TRIQK: variants seen among roughly 807,000 people sequenced by gnomAD.
The protein encoded by TRIQK is triple QxxK/R motif containing.
Under a neutral mutation model 10.8 loss-of-function variants are expected in TRIQK, and 10 were observed. The observed-to-expected ratio is 0.92, with a 90% CI of 0.57 to 1.57. The LOEUF (loss-of-function observed/expected upper bound fraction) is 1.57. Ranked by LOEUF, TRIQK falls within the 40% of genes most tolerant of loss-of-function variation. The pLI is 0.00. For missense variants in TRIQK, 107 were observed against 97.7 expected (o/e 1.09, Z -0.40); for synonymous variants, 33 against 33.7 (o/e 0.98, Z 0.07).
intron 3 of TRIQK, among the ~76,000 whole-genome samples, chr8:92,915,550 C>A (rs1189744488): frequency 1.3e-5 from 2 of 151,308 alleles, no homozygotes; most frequent in Non-Finnish European, 2.9e-5. Context: ...GTAACATGAT[C>A]TCTGCTCACT....
intron 2 of TRIQK, among the ~76,000 whole-genome samples, chr8:92,935,803 A>T (rs1810959175): frequency 6.6e-6 from 1 of 151,616 alleles, no homozygotes; most frequent in Admixed American, 6.6e-5. Context: ...AGATTCTATT[A>T]AAAATGCCAT....
At position 92,884,961 on chromosome 8, in the gene TRIQK, G is replaced by T. The variant is rs1816395081; in HGVS notation, c.*1661C>A. ...TCCCTTGCCACCCACTTGACGAACA[G>T]ACATACCACATGGCATTAAATGCTG... On this transcript the variant is annotated 3_prime_UTR_variant, in exon 5 of 5. Transcript: ENST00000521988. The T allele has an allele frequency of 2.2e-6, 1 of 455,996 alleles. No individual in the cohort carries two copies. The highest frequency in any genetic ancestry group is 2.0e-5 in the African/African-American group (1 of 49,962). The allele number at this position is 455,996 out of a possible 1,614,324, so 28.2% of individuals were successfully genotyped here.
intron 3 of TRIQK, among the ~76,000 whole-genome samples, chr8:92,907,866 TGA>T (rs989655324): frequency 9.3e-4 from 141 of 152,202 alleles, no homozygotes; most frequent in Admixed American, 3.0e-3. Context: ...ATATTAATAT[TGA>T]GAGATATAAA....
At chr8:92,891,862 GTCTGGCATTCTATTT>G in intron 4 of TRIQK, 112 bp downstream of exon 4, 1 of 667,978 alleles carries the variant, frequency 1.5e-6, no homozygotes. Context: ...AAACCTTTAA[GTCTGGCATTCTATTT>G]AGATTGTGAA....
intron 3 of TRIQK, among the ~76,000 whole-genome samples, chr8:92,912,209 G>C (rs1229938135): frequency 1.3e-5 from 2 of 151,598 alleles, no homozygotes; most frequent in Non-Finnish European, 3.0e-5. Flanking sequence ...TAAGAAGACT[G>C]AAATTACTCC....
intron 2 of TRIQK, among the ~76,000 whole-genome samples, chr8:92,937,409 G>A (rs775065441): frequency 4.6e-5 from 7 of 151,780 alleles, no homozygotes; most frequent in Non-Finnish European, 8.9e-5. Flanking sequence ...TATTTAATCA[G>A]ATTTCTTGAC....
At chr8:93,016,044 C>T (rs560486109) in intron 1 of TRIQK, among the ~76,000 whole-genome samples, 4 of 152,150 alleles carry the variant, frequency 2.6e-5, no homozygotes, top group African/African-American at 7.2e-5. Context: ...TAAAAACATC[C>T]TAATTCTTTA....
At chr8:92,900,143 A>C (rs902678855) in intron 3 of TRIQK, among the ~76,000 whole-genome samples, 1 of 151,986 alleles carries the variant, frequency 6.6e-6, no homozygotes, top group Non-Finnish European at 1.5e-5. Context: ...CATGTATTCC[A>C]GTTATTAATC....
intron 1 of TRIQK, among the ~76,000 whole-genome samples, chr8:92,976,260 C>T (rs544643738): frequency 6.6e-6 from 1 of 152,006 alleles, no homozygotes; most frequent in East Asian, 1.9e-4. Context: ...TTTAACTCTC[C>T]TACTATAATT....
intron 1 of TRIQK, among the ~76,000 whole-genome samples, chr8:92,979,997 T>G (rs1430946229): frequency 6.6e-6 from 1 of 152,042 alleles, no homozygotes; most frequent in Non-Finnish European, 1.5e-5. Context: ...TGTTGAAGAA[T>G]AGCAACAATA....
At position 92,885,615 on chromosome 8, in the gene TRIQK, A is replaced by T. The variant is rs1816437518; in HGVS notation, c.*1007T>A. 6.6e-6 allele frequency: 1 copy of T among 151,824 alleles called. No homozygotes were observed. Among genetic ancestry groups the T allele is most frequent in the Admixed American group, 6.6e-5 (1 of 15,194 alleles). 9.4% of individuals were successfully genotyped at this position (151,824 alleles called of 1,614,324 possible). On this transcript the variant is annotated 3_prime_UTR_variant, in exon 5 of 5. Coordinates refer to ENST00000521988, the MANE Select transcript of TRIQK (RefSeq NM_001171797.2). Reference sequence around the variant, plus strand: ...ACAAAATACATTGAAAAATTATATCAACAGATAATTACATATGAAATATGA... The same window carrying T: ...ACAAAATACATTGAAAAATTATATCTACAGATAATTACATATGAAATATGA...
At chr8:92,938,091 T>C (rs986423292) in intron 2 of TRIQK, among the ~76,000 whole-genome samples, 1 of 152,016 alleles carries the variant, frequency 6.6e-6, no homozygotes, top group Non-Finnish European at 1.5e-5. Context: ...ACTTTTATTT[T>C]GTCTTTAATT....
At chr8:92,967,033 G>A (rs1371898847), upstream of TRIQK, among the ~76,000 whole-genome samples, 4 of 141,490 alleles carry the variant, frequency 2.8e-5, no homozygotes, top group African/African-American at 1.1e-4. Context: ...CTAACCAGAA[G>A]GCTTTCTGAA....
intron 2 of TRIQK, among the ~76,000 whole-genome samples, chr8:92,938,005 G>T (rs545411020): frequency 6.6e-6 from 1 of 151,714 alleles, no homozygotes; most frequent in Admixed American, 6.6e-5. Context: ...CCTTTTTTCT[G>T]AAGAATTCCA....
intron 1 of TRIQK, among the ~76,000 whole-genome samples, chr8:92,991,644 T>C (rs996140420): frequency 2.0e-5 from 3 of 152,128 alleles, no homozygotes; most frequent in Admixed American, 2.0e-4. Flanking sequence ...GTATTGGAAG[T>C]TCCGGCCCGG....
chr8:92,888,394 G>C (rs1377120496), intron 4 of TRIQK, among the ~76,000 whole-genome samples: 1 of 151,644 alleles, frequency 6.6e-6, no homozygotes, highest in African/African-American at 2.4e-5. Context: ...ATAGGAAGCA[G>C]AGAATATTCA....
At chr8:92,968,768 G>A (rs886704259), upstream of TRIQK, among the ~76,000 whole-genome samples, 18 of 152,056 alleles carry the variant, frequency 1.2e-4, no homozygotes, top group Admixed American at 9.2e-4. Flanking sequence ...TTACTCTAAT[G>A]ATAATTTCTT....
chr8:92,908,882 T>A (rs1288675320), intron 3 of TRIQK, among the ~76,000 whole-genome samples: 1 of 152,030 alleles, frequency 6.6e-6, no homozygotes, highest in African/African-American at 2.4e-5. Flanking sequence ...CTTTTATATT[T>A]CCTTCAACAT....
At chr8:93,004,697 A>G (rs1049954362) in intron 1 of TRIQK, among the ~76,000 whole-genome samples, 1 of 152,312 alleles carries the variant, frequency 6.6e-6, no homozygotes, top group Non-Finnish European at 1.5e-5. Flanking sequence ...CCAGGCCACA[A>G]TTTGAATGCT....
Sources: allele counts gnomAD v4.1 joint callset (sites outside exome capture counted in the v4.1 genomes callset), GRCh38; gene constraint gnomAD v4.1.1; transcripts MANE v1.5; gene names NCBI Gene and HGNC (gene_info 2026-07-23, HGNC 2026-07-21).